The following MECOM variants were observed in gnomAD, a reference collection of about 807,000 sequenced individuals.
The protein encoded by MECOM is MDS1 and EVI1 complex locus.
Under a neutral mutation model 116.3 loss-of-function variants are expected in MECOM, and 13 were observed. The ratio of observed to expected loss-of-function variants is 0.11; its 90% CI spans 0.07 to 0.18. The LOEUF (loss-of-function observed/expected upper bound fraction) is 0.18, where lower values mean the gene tolerates loss of function less well. Ranked by LOEUF, MECOM falls within the 10% of genes least tolerant of loss-of-function variation. The pLI is 1.00. For synonymous variants in MECOM, 528 were observed against 535.2 expected, an observed-to-expected ratio of 0.99 and a Z score of 0.19; for missense variants, 1,299 against 1,509.0, an observed-to-expected ratio of 0.86 and a Z score of 2.31.
intron 2 of MECOM, among the ~76,000 whole-genome samples, chr3:169,200,332 A>C (rs1289206484): frequency 6.6e-6 from 1 of 152,128 alleles, no homozygotes; most frequent in East Asian, 1.9e-4. Context: ...TTGATCTTTC[A>C]AAGTCACTTT....
chr3:169,181,944 A>G (rs1201099951), intron 2 of MECOM, among the ~76,000 whole-genome samples: 6 of 152,228 alleles, frequency 3.9e-5, no homozygotes, highest in Non-Finnish European at 7.3e-5. Context: ...TGAGAATTAA[A>G]TGATAAAACA....
intron 1 of MECOM, among the ~76,000 whole-genome samples, chr3:169,549,937 A>C (rs1761178959): frequency 6.6e-6 from 1 of 152,198 alleles, no homozygotes; most frequent in Admixed American, 6.5e-5. Flanking sequence ...GCAGTCTATT[A>C]GAAAGCAATT....
At chr3:169,138,252 T>G (rs1736977022) in intron 3 of MECOM, among the ~76,000 whole-genome samples, 1 of 152,128 alleles carries the variant, frequency 6.6e-6, no homozygotes, top group Admixed American at 6.6e-5. Flanking sequence ...AAACACTAAC[T>G]ACTTAAAATG....
chr3:169,626,260 A>C (rs944101519), intron 1 of MECOM, among the ~76,000 whole-genome samples: 4 of 152,216 alleles, frequency 2.6e-5, no homozygotes, highest in Admixed American at 6.5e-5. Flanking sequence ...ACTTTGATTG[A>C]CAATTGTATA....
At chr3:169,651,835 T>C (rs1040722569) in intron 1 of MECOM, among the ~76,000 whole-genome samples, 1 of 152,188 alleles carries the variant, frequency 6.6e-6, no homozygotes, top group African/African-American at 2.4e-5. Context: ...TCTATATGTA[T>C]GTATGTGCTA....
chr3:169,663,422 T>C lies in MECOM; in HGVS notation c.-50A>G. The C allele has an allele frequency of 1.9e-6, 3 of 1,578,854 alleles. No individual in the cohort carries two copies. The highest frequency in any genetic ancestry group is 2.6e-6 in the Non-Finnish European group (3 of 1,160,764). ...GGTGTGTGGTTGGGGCTTTTTTTTC[T>C]TGGATCCTTTCCTTCTTTTGCTCTC... On this transcript the variant is annotated 5_prime_UTR_variant, in exon 1 of 17. Coordinates refer to ENST00000651503, the MANE Select transcript of MECOM (RefSeq NM_004991.4).
At chr3:169,599,983 T>C (rs1474219806) in intron 1 of MECOM, among the ~76,000 whole-genome samples, 1 of 152,156 alleles carries the variant, frequency 6.6e-6, no homozygotes, top group Non-Finnish European at 1.5e-5. Flanking sequence ...CTTACTTTTT[T>C]TTTTCTGAGA....
chr3:169,329,166 C>T (rs78967444), intron 2 of MECOM, among the ~76,000 whole-genome samples: 7,363 of 152,150 alleles, frequency 0.048, 601 homozygotes, highest in African/African-American at 0.17. Flanking sequence ...CCTTGGGAAA[C>T]ATTAACTTTT....
At chr3:169,547,690 AT>A (rs1322135826) in intron 1 of MECOM, among the ~76,000 whole-genome samples, 6 of 152,158 alleles carry the variant, frequency 3.9e-5, no homozygotes, top group Non-Finnish European at 8.8e-5. Flanking sequence ...TGCCAATGTA[AT>A]TAATTTAAGG....
intron 2 of MECOM, among the ~76,000 whole-genome samples, chr3:169,368,091 T>C (rs1012825369): frequency 6.6e-6 from 1 of 152,066 alleles, no homozygotes; most frequent in Non-Finnish European, 1.5e-5. Context: ...ACACGTCTCT[T>C]TATATTATTC....
chr3:169,432,386 GA>G (rs1007930228), intron 1 of MECOM, among the ~76,000 whole-genome samples: 5 of 152,146 alleles, frequency 3.3e-5, no homozygotes, highest in African/African-American at 4.8e-5. Flanking sequence ...TCGAACTCCT[GA>G]CCCCAGATGA....
At chr3:169,098,280 G>A (rs1034191729) in intron 12 of MECOM, among the ~76,000 whole-genome samples, 2 of 152,124 alleles carry the variant, frequency 1.3e-5, no homozygotes, top group African/African-American at 2.4e-5. Context: ...ATTGCATTTA[G>A]CTGTCATGTC....
chr3:169,420,896 G>A (rs1560252060), intron 1 of MECOM, among the ~76,000 whole-genome samples: 1 of 152,106 alleles, frequency 6.6e-6, no homozygotes, highest in Non-Finnish European at 1.5e-5. Flanking sequence ...AAAATAAAGT[G>A]TATTTCATCA....
intron 2 of MECOM, among the ~76,000 whole-genome samples, chr3:169,188,019 T>C (rs1747000357): frequency 6.6e-6 from 1 of 152,154 alleles, no homozygotes; most frequent in African/African-American, 2.4e-5. Context: ...CCATTATAGC[T>C]ATCTTATTTA....
At chr3:169,411,198 A>C (rs757844826) in intron 1 of MECOM, among the ~76,000 whole-genome samples, 7 of 152,064 alleles carry the variant, frequency 4.6e-5, no homozygotes, top group Non-Finnish European at 8.8e-5. Context: ...TGAGCCTTTC[A>C]ATTTTCATTT....
chr3:169,095,336 C>T, intron 12 of MECOM, 91 bp from the exon 13 acceptor site: 1 of 1,037,940 alleles, frequency 9.6e-7, no homozygotes, highest in Non-Finnish European at 1.4e-6. Context: ...CATCTCCACT[C>T]ATAAAACAAC....
At chr3:169,317,619 G>A (rs1719992994) in intron 2 of MECOM, among the ~76,000 whole-genome samples, 1 of 152,124 alleles carries the variant, frequency 6.6e-6, no homozygotes, top group Non-Finnish European at 1.5e-5. Flanking sequence ...TACTTACATA[G>A]CAACAGCTAC....
chr3:169,541,171 G>A (rs1471421608), intron 1 of MECOM, among the ~76,000 whole-genome samples: 1 of 152,186 alleles, frequency 6.6e-6, no homozygotes, highest in Non-Finnish European at 1.5e-5. Flanking sequence ...CTGAGAATCT[G>A]TATTTCTAAC....
intron 6 of MECOM, 129 bp downstream of exon 6, chr3:169,122,451 C>T (rs535194402): frequency 2.0e-6 from 2 of 1,008,700 alleles, no homozygotes; most frequent in South Asian, 3.3e-5. Context: ...ATACAACACT[C>T]AGTGTACTTT....
Sources: allele counts gnomAD v4.1 joint callset (sites outside exome capture counted in the v4.1 genomes callset), GRCh38; gene constraint gnomAD v4.1.1; transcripts MANE v1.5; gene names NCBI Gene and HGNC (gene_info 2026-07-23, HGNC 2026-07-21).